TTYH2: variants seen among roughly 807,000 people sequenced by gnomAD.
The protein encoded by TTYH2 is tweety family member 2, also known as protein tweety homolog 2.
A neutral mutation model predicts 68.3 loss-of-function variants in TTYH2; 49 were observed. The observed-to-expected ratio is 0.72, with a 90% CI of 0.57 to 0.91. The LOEUF is 0.91. Ranked by LOEUF, TTYH2 falls within the 40% of genes least tolerant of loss-of-function variation. TTYH2 has a pLI of 0.00. For missense variants in TTYH2, 631 were observed against 700.4 expected (o/e 0.90, Z 1.12); for synonymous variants, 272 against 300.8 (o/e 0.90, Z 0.99).
chr17:74,230,297 G>A (rs886496951), intron 2 of TTYH2, among the ~76,000 whole-genome samples: 2 of 150,818 alleles, frequency 1.3e-5, no homozygotes, highest in East Asian at 1.9e-4. Context: ...GTCTCACTAC[G>A]TTGCGCAGGC....
At chr17:74,254,765 C>T (rs1435257520) in intron 13 of TTYH2, among the ~76,000 whole-genome samples, 7 of 152,230 alleles carry the variant, frequency 4.6e-5, no homozygotes, top group African/African-American at 7.2e-5. Flanking sequence ...GAGGGGGTCT[C>T]TTTCCCTTTT....
chr17:74,248,111 C>G (rs1489287179), intron 6 of TTYH2: 2 of 219,898 alleles, frequency 9.1e-6, no homozygotes, highest in African/African-American at 4.7e-5. Context: ...GACGGGGCCA[C>G]CGGCAGAGCA....
intron 6 of TTYH2, among the ~76,000 whole-genome samples, chr17:74,246,494 G>T (rs8077819): frequency 2.0e-5 from 3 of 151,764 alleles, no homozygotes; most frequent in Non-Finnish European, 4.4e-5. Flanking sequence ...TGCATTCATC[G>T]TCATCATGCT....
At chr17:74,223,985 G>C (rs60731580) in intron 2 of TTYH2, among the ~76,000 whole-genome samples, 1,594 of 152,366 alleles carry the variant, frequency 0.01, 34 homozygotes, top group African/African-American at 0.035. Context: ...AGGGGACCAA[G>C]GCTGCTGCAA....
intron 1 of TTYH2, among the ~76,000 whole-genome samples, chr17:74,220,032 G>A (rs1460471439): frequency 6.6e-6 from 1 of 151,690 alleles, no homozygotes; most frequent in Admixed American, 6.6e-5. Context: ...TAAGAAATGG[G>A]ATCTCAGCAT....
At chr17:74,226,255 A>C (rs187188135) in intron 2 of TTYH2, among the ~76,000 whole-genome samples, 1 of 152,236 alleles carries the variant, frequency 6.6e-6, no homozygotes, top group Non-Finnish European at 1.5e-5. Context: ...TAGGAAGCAC[A>C]GAGTGAGAAG....
Position 74,243,960 on chromosome 17 carries a change from G to T in TTYH2, c.732-17G>T. 6.2e-7 allele frequency: 1 copy of T among 1,609,500 alleles called. No individual in the cohort carries two copies. On this transcript the variant is annotated splice_polypyrimidine_tract_variant and intron_variant, in intron 5 of 13. Coordinates refer to ENST00000269346, the MANE Select transcript of TTYH2 (RefSeq NM_032646.6). ...GGGGACCCCGCCTGCCAACGTTGTCGCCTGCCTCTCTCCTAGGATGCTGTG... is the reference window on the plus strand; with the variant it reads ...GGGGACCCCGCCTGCCAACGTTGTCTCCTGCCTCTCTCCTAGGATGCTGTG...
In TTYH2 at chr17:74,260,987, T is replaced by A. The variant is rs2050745151; in HGVS notation, c.*778T>A. 1 of 152,744 alleles carries A rather than the reference T, an allele frequency of 6.5e-6. No individual in the cohort carries two copies. The highest frequency in any genetic ancestry group is 1.5e-5 in the Non-Finnish European group (1 of 68,080). The allele number at this position is 152,744 out of a possible 1,614,324, so 9.5% of individuals were successfully genotyped here. On this transcript the variant is annotated 3_prime_UTR_variant, in exon 14 of 14. Transcript: ENST00000269346. Reference sequence around the variant, plus strand: ...CTGCAGATAGGCATGGTCTCAGGTATGAACAGACACTTTGAAACGACTTTA... The same window carrying A: ...CTGCAGATAGGCATGGTCTCAGGTAAGAACAGACACTTTGAAACGACTTTA...
Position 74,249,993 on chromosome 17 carries a change from C to T in TTYH2, c.988C>T (p.Leu330=). The T allele has an allele frequency of 6.2e-7, 1 of 1,614,162 alleles. No individual in the cohort carries two copies. The highest frequency in any genetic ancestry group is 1.1e-5 in the South Asian group (1 of 91,078). The change falls in exon 9 of 14, where the codon CTG becomes TTG. Residue 330 remains leucine, a synonymous_variant. Transcript: ENST00000269346. The part of the protein sequence containing the change: ...TTMQIQVAGL[L]QFAVPLFSTA... ...CATGCAGATCCAGGTCGCGGGGCTG[C>T]TGCAGTTTGCCGTGCCCCTCTTCTC...
chr17:74,249,958 C>T lies in TTYH2; in HGVS notation c.953C>T (p.Ala318Val). ...CAGACCCTGACCACCTTCCAGCGCG[C>T]ACTTACCACCATGCAGATCCAGGTC... The part of the protein sequence containing the change: ...FQQTLTTFQR[A>V]LTTMQIQVAG... The change falls in exon 9 of 14, where the codon GCA becomes GTA. Residue 318 changes from alanine (A) to valine (V), a missense_variant. Transcript: ENST00000269346. 6.2e-7 allele frequency: 1 copy of T among 1,614,058 alleles called. No homozygotes were observed. Among genetic ancestry groups the T allele is most frequent in the Non-Finnish European group, 8.5e-7 (1 of 1,179,996 alleles).
intron 13 of TTYH2, among the ~76,000 whole-genome samples, chr17:74,255,895 A>C (rs1053045679): frequency 2.0e-5 from 3 of 152,234 alleles, no homozygotes. Flanking sequence ...GACATCCAAC[A>C]GGAAAGCAGA....
At chr17:74,250,469 G>T in intron 10 of TTYH2, 112 bp downstream of exon 10, 1 of 884,674 alleles carries the variant, frequency 1.1e-6, no homozygotes. Flanking sequence ...GTCCCCTTCC[G>T]GCCCAGGAAT....
At chr17:74,226,958 C>CTTCCT (rs972928495) in intron 2 of TTYH2, among the ~76,000 whole-genome samples, 19 of 151,950 alleles carry the variant, frequency 1.3e-4, no homozygotes, top group Admixed American at 6.6e-5. Flanking sequence ...TTTCTTTTCT[C>CTTCCT]TTCCTTTCCT....
chr17:74,224,924 G>A (rs752335756), intron 2 of TTYH2, among the ~76,000 whole-genome samples: 6 of 152,008 alleles, frequency 3.9e-5, no homozygotes, highest in Non-Finnish European at 7.4e-5. Context: ...ATTTGAACCC[G>A]GGAGGCAGGG....
intron 1 of TTYH2, among the ~76,000 whole-genome samples, chr17:74,220,193 CAG>C (rs1310106407): frequency 6.6e-6 from 1 of 152,174 alleles, no homozygotes; most frequent in African/African-American, 2.4e-5. Context: ...AGAGAGGCCT[CAG>C]GGGCTGCCAA....
At chr17:74,234,055 A>G (rs1428158829) in intron 3 of TTYH2, among the ~76,000 whole-genome samples, 4 of 152,180 alleles carry the variant, frequency 2.6e-5, no homozygotes, top group Admixed American at 2.6e-4. Flanking sequence ...TGAGCGCTGG[A>G]GAGTCCTCCC....
At chr17:74,251,389 G>GGT (rs138060891) in intron 10 of TTYH2, among the ~76,000 whole-genome samples, 429 of 147,322 alleles carry the variant, frequency 2.9e-3, no homozygotes, top group East Asian at 0.013. Context: ...GTGTGTGGGG[G>GGT]GTGTGTGTGC....
chr17:74,254,822 T>G (rs1448892682), intron 13 of TTYH2, among the ~76,000 whole-genome samples: 1 of 152,224 alleles, frequency 6.6e-6, no homozygotes, highest in Admixed American at 6.5e-5. Flanking sequence ...AGATTTCTGT[T>G]TACCTTAATC....
rs1192402041 is a variant in TTYH2 at position 74,217,356 on chromosome 17, G to A, written c.129+3640G>A. Among the ~76,000 whole-genome samples, 4 of 152,170 alleles carry A rather than the reference G, an allele frequency of 2.6e-5. No individual in the cohort carries two copies. Among genetic ancestry groups the A allele is most frequent in the African/African-American group, 4.8e-5 (2 of 41,432 alleles). ...TTTGTATTTAGGCATGTATTTCCACGTGTTCTCTCATTGGTTGGTTCCGTT... is the reference window on the plus strand; with the variant it reads ...TTTGTATTTAGGCATGTATTTCCACATGTTCTCTCATTGGTTGGTTCCGTT... On this transcript the variant is annotated intron_variant, in intron 1 of 13. Coordinates refer to ENST00000269346, the MANE Select transcript of TTYH2 (RefSeq NM_032646.6). This position sits in a 1 kb window ranked among gnomAD's most constrained non-coding sequence, Gnocchi z 4.0.
Sources: allele counts gnomAD v4.1 joint callset (sites outside exome capture counted in the v4.1 genomes callset), GRCh38; gene constraint gnomAD v4.1.1; non-coding constraint Gnocchi (gnomAD v3.1); transcripts MANE v1.5; gene names NCBI Gene and HGNC (gene_info 2026-07-23, HGNC 2026-07-21).